The following SLC2A5 variants were observed in gnomAD, a reference collection of about 807,000 sequenced individuals.
The protein encoded by SLC2A5 is solute carrier family 2 member 5.
SLC2A5 carries 56 observed loss-of-function variants against 50.3 expected under a neutral mutation model. The ratio of observed to expected loss-of-function variants is 1.11; its 90% confidence interval spans 0.90 to 1.39. The LOEUF (loss-of-function observed/expected upper bound fraction) is 1.39. Among genes scored for constraint, SLC2A5 ranks in the 40% most tolerant of loss-of-function variants. SLC2A5 has a pLI of 0.00. For missense variants in SLC2A5, 566 were observed against 650.1 expected, an observed-to-expected ratio of 0.87 and a Z score of 1.41; for synonymous variants, 269 against 281.9, an observed-to-expected ratio of 0.95 and a Z score of 0.46.
chr1:9,091,904 A>C (rs1322040977), upstream of SLC2A5, among the ~76,000 whole-genome samples: 1 of 152,166 alleles, frequency 6.6e-6, no homozygotes, highest in African/African-American at 2.4e-5. Context: ...TAGTTGCCCT[A>C]ATAAGAGCAC....
chr1:9,052,283 CA>C (rs529175930), intron 3 of SLC2A5, among the ~76,000 whole-genome samples: 1 of 150,172 alleles, frequency 6.7e-6, no homozygotes, highest in South Asian at 2.1e-4. Flanking sequence ...GACTCCGTCT[CA>C]AAAAAAAAGA....
At chr1:9,060,061 CAA>C (rs1641874946) in intron 1 of SLC2A5, among the ~76,000 whole-genome samples, 2 of 137,362 alleles carry the variant, frequency 1.5e-5, no homozygotes, top group Non-Finnish European at 1.6e-5. Context: ...CACACACACA[CAA>C]TACACACACT....
chr1:9,076,342 G>A (rs1642283220), intron 2 of SLC2A5, among the ~76,000 whole-genome samples: 1 of 152,154 alleles, frequency 6.6e-6, no homozygotes, highest in Non-Finnish European at 1.5e-5. Context: ...AGTTCCCCCA[G>A]GCGATGGAGA....
chr1:9,037,955 C>T lies in SLC2A5; in HGVS notation c.1244G>A (p.Gly415Glu). 6.2e-7 allele frequency: 1 copy of T among 1,613,988 alleles called. No individual in the cohort carries two copies. Among genetic ancestry groups the T allele is most frequent in the Non-Finnish European group, 8.5e-7 (1 of 1,180,024 alleles). ...QSSRPSAFMV[G>E]GSVHWLSNFT... ...GTTGGAGAGCCAGTGCACACTGCCC[C>T]CCACCATGAAGGCAGATGGCCGAGA... is the stretch of plus-strand genomic sequence containing the variant. The change falls in exon 11 of 12, where the codon GGG (glycine) becomes GAG (glutamate). Residue 415 changes from glycine to glutamate, a missense_variant. Physicochemically the swap from Gly to Glu is moderately conservative, Grantham distance 98. Coordinates refer to ENST00000377424, the MANE Select transcript of SLC2A5 (RefSeq NM_003039.3).
At chr1:9,049,058 A>G in intron 3 of SLC2A5, 1 of 446,138 alleles carries the variant, frequency 2.2e-6, no homozygotes, top group South Asian at 1.6e-5. Context: ...ACACTTAATA[A>G]AACTTGGAAA....
intron 3 of SLC2A5, among the ~76,000 whole-genome samples, 144 bp downstream of exon 3, chr1:9,057,292 TAAAAAAAAAAAA>T (rs760221358): frequency 9.7e-6 from 1 of 103,440 alleles, no homozygotes; most frequent in African/African-American, 3.8e-5. Flanking sequence ...TCTCAAAAAT[TAAAAAAAAAAAA>T]AAAAAAAAAA....
chr1:9,085,141 T>C (rs1265373620), exon 2 of SLC2A5: 3 of 152,372 alleles, frequency 2.0e-5, no homozygotes, highest in Non-Finnish European at 4.4e-5. Flanking sequence ...GATAATGTGG[T>C]GCTGGTGTTG....
rs1641271976 is a variant in SLC2A5 at position 9,040,480 on chromosome 1, G to A, written c.572-291C>T. On this transcript the variant is annotated intron_variant, in intron 5 of 11. Transcript: ENST00000377424. The surrounding 1 kb of genome is among the most constrained non-coding windows in gnomAD (Gnocchi z 4.3). ...TGTCCTTCAGAGGACAGTCTTGCAG[G>A]GGCTGGAGGAGCTGGGCATACCCGG... The A allele has an allele frequency of 2.7e-6, 1 of 376,228 alleles. No homozygotes were observed. Among genetic ancestry groups the A allele is most frequent in the Non-Finnish European group, 4.9e-6 (1 of 205,678 alleles). 23.3% of individuals were successfully genotyped at this position (376,228 alleles called of 1,614,324 possible).
intron 4 of SLC2A5, 95 bp downstream of exon 4, chr1:9,047,515 T>G (rs1641465458): frequency 7.4e-7 from 1 of 1,347,484 alleles, no homozygotes; most frequent in South Asian, 1.3e-5. Flanking sequence ...TTCTACACGC[T>G]TCAGACATCA....
chr1:9,057,292 T>TAAAAAA (rs760221358), intron 3 of SLC2A5, among the ~76,000 whole-genome samples, 156 bp downstream of exon 3: 5 of 103,432 alleles, frequency 4.8e-5, no homozygotes, highest in Non-Finnish European at 8.4e-5. Flanking sequence ...TCTCAAAAAT[T>TAAAAAA]AAAAAAAAAA....
rs1401806274 is a variant in SLC2A5 at position 9,041,846 on chromosome 1, G to T, written c.510C>A (p.Ile170=). 6.2e-7 allele frequency: 1 copy of T among 1,614,060 alleles called. No individual in the cohort carries two copies. The highest frequency in any genetic ancestry group is 1.3e-5 in the African/African-American group (1 of 75,022). Reference sequence around the variant, plus strand: ...TCTGGGCCACAAGGATGCCAACAGTGATGAAGAGCTGGGGCACCACCCCGA... The same window carrying T: ...TCTGGGCCACAAGGATGCCAACAGTTATGAAGAGCTGGGGCACCACCCCGA... ...GALGVVPQLF[I]TVGILVAQIF... is the part of the protein sequence containing the mutation. Residue 170 remains isoleucine (I), a synonymous_variant, in exon 5 of 12, where the codon ATC becomes ATA. Transcript: ENST00000377424.
rs766785179 is a variant in SLC2A5 at position 9,039,579 on chromosome 1, G to A, written c.969C>T (p.Ala323=). The change falls in exon 8 of 12, where the codon GCC becomes GCT. Residue 323 remains alanine, a synonymous_variant. Transcript: ENST00000377424. ...CGCAGAAGGTCATGACCACGTTCAC[G>A]GCCCCGGTGCCGGCCGTCACGTACT... ...HVQYVTAGTG[A]VNVVMTFCAV... is the part of the protein sequence containing the mutation. The A allele has an allele frequency of 3.8e-6, 6 of 1,575,850 alleles. No individual in the cohort carries two copies. In the Admixed American group the frequency reaches 1.1e-4, roughly 28 times the overall value.
chr1:9,052,920 C>T (rs1024307674), intron 3 of SLC2A5, among the ~76,000 whole-genome samples: 1 of 148,772 alleles, frequency 6.7e-6, no homozygotes, highest in Non-Finnish European at 1.5e-5. Flanking sequence ...GAGCCACAAT[C>T]GTGCCACTGC....
intron 3 of SLC2A5, chr1:9,049,157 GCCCTCATGATGAGGA>G (rs1283937457): frequency 2.2e-6 from 1 of 456,210 alleles, no homozygotes; most frequent in Admixed American, 2.3e-5. Context: ...TCGCAATGGA[GCCCTCATGATGAGGA>G]CCCTCATGAT....
chr1:9,056,840 A>T (rs2505972), intron 3 of SLC2A5, among the ~76,000 whole-genome samples: 1 of 151,942 alleles, frequency 6.6e-6, no homozygotes, highest in Non-Finnish European at 1.5e-5. Flanking sequence ...CAGTATGAGC[A>T]GAAGCAAGTC....
At chr1:9,091,366 G>A (rs2124493685), upstream of SLC2A5, among the ~76,000 whole-genome samples, 1 of 152,224 alleles carries the variant, frequency 6.6e-6, no homozygotes, top group South Asian at 2.1e-4. Context: ...CCTCCAACCA[G>A]TGGCATATTT....
chr1:9,058,352 A>G (rs1641818274), intron 1 of SLC2A5, 102 bp from the exon 2 acceptor site: 7 of 823,140 alleles, frequency 8.5e-6, no homozygotes. Context: ...CTGAAGATCC[A>G]TAGTCTTGAG....
chr1:9,087,545 C>G (rs1044382307), intron 1 of SLC2A5, among the ~76,000 whole-genome samples: 1 of 152,080 alleles, frequency 6.6e-6, no homozygotes, highest in East Asian at 1.9e-4. Context: ...TGCCAAAACC[C>G]GGGATGGGTG....
chr1:9,048,571 C>T (rs977017751), intron 3 of SLC2A5, among the ~76,000 whole-genome samples: 3 of 152,068 alleles, frequency 2.0e-5, no homozygotes. Flanking sequence ...ATCGGATTAT[C>T]TCAATAGAAG....
Sources: gnomAD v4.1 joint callset for allele counts (sites outside exome capture counted in the v4.1 genomes callset) on GRCh38, gnomAD v4.1.1 for gene constraint, Gnocchi (gnomAD v3.1) non-coding constraint, MANE v1.5 for transcripts, NCBI Gene and HGNC (gene_info 2026-07-23, HGNC 2026-07-21) for gene names.